DACH1: variants seen among roughly 807,000 people sequenced by gnomAD.
DACH1 encodes dachshund homolog 1.
In DACH1, 12 loss-of-function variants were observed where a neutral mutation model predicts 54.2. That is an observed-to-expected ratio of 0.22 (90% confidence interval 0.14 to 0.36). DACH1 has a LOEUF of 0.36. Ranked by LOEUF, DACH1 falls within the 10% of genes least tolerant of loss-of-function variation. The pLI, the probability that DACH1 is intolerant of heterozygous loss-of-function variation, is 1.00. For synonymous variants in DACH1, 386 were observed against 366.2 expected (o/e 1.05, Z -0.62); for missense variants, 805 against 929.8 (o/e 0.87, Z 1.75).
intron 2 of DACH1, among the ~76,000 whole-genome samples, chr13:71,633,157 T>G (rs1877229213): frequency 6.6e-6 from 1 of 152,144 alleles, no homozygotes; most frequent in Non-Finnish European, 1.5e-5. Context: ...ATCAGAGAGA[T>G]CCAAATCAAA....
At chr13:71,836,328 T>C (rs1186887044) in intron 1 of DACH1, among the ~76,000 whole-genome samples, 1 of 152,084 alleles carries the variant, frequency 6.6e-6, no homozygotes, top group Non-Finnish European at 1.5e-5. Context: ...ATTATGTCTC[T>C]CACTGTGCTA....
At position 71,866,253 on chromosome 13, in the gene DACH1, A is replaced by G. The variant is rs780735105; in HGVS notation, c.517T>C (p.Tyr173His). The G allele has an allele frequency of 6.2e-7, 1 of 1,607,902 alleles. No individual in the cohort carries two copies. The highest frequency in any genetic ancestry group is 8.5e-7 in the Non-Finnish European group (1 of 1,176,956). Residue 173 changes from tyrosine (Y) to histidine (H), a missense_variant, in exon 1 of 11, where the codon TAC becomes CAC. Tyr to His is a moderately conservative substitution (Grantham distance 83, BLOSUM62 2). Transcript: ENST00000613252. Reference protein sequence around the residue: ...SCGPLPGKPVYSTPSPVENTP... With the variant: ...SCGPLPGKPVHSTPSPVENTP... ...TTTTCCACTGGGGACGGGGTTGAGT[A>G]CACGGGTTTCCCGGGGAGGGGGCCG...
At chr13:71,528,425 C>CTTTTT (rs71198120) in intron 6 of DACH1, among the ~76,000 whole-genome samples, 20 of 111,114 alleles carry the variant, frequency 1.8e-4, no homozygotes, top group Admixed American at 2.2e-4. Flanking sequence ...AACAGATTTT[C>CTTTTT]TTTTTTTTTT....
chr13:71,624,621 C>CA (rs377059550), intron 3 of DACH1, among the ~76,000 whole-genome samples: 6 of 151,824 alleles, frequency 4.0e-5, no homozygotes, highest in South Asian at 2.1e-4. Context: ...AACAAACAAA[C>CA]AAAAAAACTT....
At chr13:71,522,388 C>T (rs1881666345) in intron 6 of DACH1, among the ~76,000 whole-genome samples, 1 of 151,978 alleles carries the variant, frequency 6.6e-6, no homozygotes, top group African/African-American at 2.4e-5. Context: ...GCCCTTCCTA[C>T]CACCACGCCG....
chr13:71,535,610 C>T (rs1566323073), intron 6 of DACH1, among the ~76,000 whole-genome samples: 1 of 151,904 alleles, frequency 6.6e-6, no homozygotes, highest in Non-Finnish European at 1.5e-5. Context: ...CCCCCCAAGA[C>T]ACTGCTTTGA....
At chr13:71,683,627 G>A (rs777892899) in intron 1 of DACH1, among the ~76,000 whole-genome samples, 6 of 152,138 alleles carry the variant, frequency 3.9e-5, no homozygotes, top group South Asian at 2.1e-4. Context: ...GGATATTGTC[G>A]TGCTTATTGT....
chr13:71,855,421 T>C (rs1873939590), intron 1 of DACH1, among the ~76,000 whole-genome samples: 1 of 152,018 alleles, frequency 6.6e-6, no homozygotes, highest in Non-Finnish European at 1.5e-5. Flanking sequence ...TTCTGTAATC[T>C]AATGGCAGTC....
chr13:71,690,911 G>A (rs369797081), intron 1 of DACH1, among the ~76,000 whole-genome samples: 1 of 152,200 alleles, frequency 6.6e-6, no homozygotes, highest in Non-Finnish European at 1.5e-5. Context: ...GAGCCTGGAT[G>A]ACTAAGTGAG....
At chr13:71,469,297 C>G (rs986067893) in intron 10 of DACH1, among the ~76,000 whole-genome samples, 4 of 151,458 alleles carry the variant, frequency 2.6e-5, no homozygotes, top group African/African-American at 4.9e-5. Context: ...ATATACCTGT[C>G]TAAATGAAAG....
chr13:71,445,153 A>G (rs895051255), intron 10 of DACH1, among the ~76,000 whole-genome samples: 3 of 152,184 alleles, frequency 2.0e-5, no homozygotes, highest in Non-Finnish European at 2.9e-5. Flanking sequence ...TGTTGTTTGC[A>G]TTAAAAGTTT....
intron 3 of DACH1, among the ~76,000 whole-genome samples, chr13:71,618,609 A>G (rs1875963666): frequency 6.6e-6 from 1 of 151,944 alleles, no homozygotes; most frequent in African/African-American, 2.4e-5. Flanking sequence ...ACTAAAATCC[A>G]CACTACAGCA....
intron 6 of DACH1, among the ~76,000 whole-genome samples, chr13:71,494,021 A>G (rs527921247): frequency 1.3e-5 from 2 of 152,282 alleles, no homozygotes; most frequent in Admixed American, 6.5e-5. Flanking sequence ...CCTATAAGGC[A>G]GCACTCCCAA....
intron 1 of DACH1, among the ~76,000 whole-genome samples, chr13:71,794,583 G>A (rs1886969275): frequency 6.6e-6 from 1 of 152,080 alleles, no homozygotes; most frequent in African/African-American, 2.4e-5. Flanking sequence ...GATTACAGGT[G>A]CGTGCCACCA....
intron 1 of DACH1, among the ~76,000 whole-genome samples, chr13:71,692,091 T>G (rs1881510657): frequency 6.6e-6 from 1 of 151,694 alleles, no homozygotes; most frequent in Non-Finnish European, 1.5e-5. Context: ...AGTACTCAAA[T>G]TTGAGTACTT....
intron 2 of DACH1, among the ~76,000 whole-genome samples, chr13:71,658,588 T>C (rs554094159): frequency 6.6e-6 from 1 of 152,224 alleles, no homozygotes; most frequent in East Asian, 1.9e-4. Flanking sequence ...ATCCATGTAA[T>C]GTATACCAAA....
intron 1 of DACH1, among the ~76,000 whole-genome samples, chr13:71,732,542 G>A (rs1469637792): frequency 1.4e-5 from 2 of 147,474 alleles, no homozygotes; most frequent in Non-Finnish European, 3.0e-5. Flanking sequence ...CTGAGACCAC[G>A]CCACTGCACT....
chr13:71,599,854 C>CAT (rs397688719), intron 3 of DACH1, among the ~76,000 whole-genome samples: 159 of 151,210 alleles, frequency 1.1e-3, no homozygotes, highest in African/African-American at 2.8e-3. Flanking sequence ...CACACACACA[C>CAT]GCACACACAT....
intron 1 of DACH1, among the ~76,000 whole-genome samples, chr13:71,817,463 C>A (rs1215628253): frequency 6.6e-6 from 1 of 152,154 alleles, no homozygotes; most frequent in Non-Finnish European, 1.5e-5. Context: ...AAATGGCAAA[C>A]CCTTCTCTAG....
Sources: gnomAD v4.1 joint callset for allele counts (sites outside exome capture counted in the v4.1 genomes callset) on GRCh38, gnomAD v4.1.1 for gene constraint, MANE v1.5 for transcripts, NCBI Gene and HGNC (gene_info 2026-07-23, HGNC 2026-07-21) for gene names.